Variants in LRRC49 observed in about 807,000 individuals in gnomAD.
LRRC49 encodes leucine rich repeat containing 49.
A neutral mutation model predicts 83.3 loss-of-function variants in LRRC49; 50 were observed. The ratio of observed to expected loss-of-function variants is 0.60; its 90% CI spans 0.48 to 0.76. The LOEUF is 0.76. LRRC49 is among the 30% of genes least tolerant of loss of function. The pLI, the probability that LRRC49 is intolerant of heterozygous loss-of-function variation, is 0.00. For synonymous variants in LRRC49, 286 were observed against 283.3 expected, an observed-to-expected ratio of 1.01 and a Z score of -0.10; for missense variants, 704 against 809.1, an observed-to-expected ratio of 0.87 and a Z score of 1.58.
chr15:70,859,402 G>A, intron 1 of LRRC49: 2 of 754,504 alleles, frequency 2.7e-6, no homozygotes, highest in South Asian at 1.4e-5. Context: ...TGTTTGAAGA[G>A]GAGATCTGGG....
intron 1 of LRRC49, among the ~76,000 whole-genome samples, chr15:70,855,019 A>C (rs2032617018): frequency 6.6e-6 from 1 of 152,156 alleles, no homozygotes; most frequent in African/African-American, 2.4e-5. Flanking sequence ...TGACCCAGAA[A>C]CTAGGGACAG....
At chr15:70,872,955 C>T (rs557415716) in exon 2 of LRRC49, 252 of 449,390 alleles carry the variant, frequency 5.6e-4, no homozygotes, top group Non-Finnish European at 8.6e-4. Context: ...GGTGCGATCT[C>T]GCTCACTGCA....
chr15:70,935,290 C>T (rs2035556729), intron 7 of LRRC49, among the ~76,000 whole-genome samples: 1 of 152,094 alleles, frequency 6.6e-6, no homozygotes. Flanking sequence ...ATTGATTTTA[C>T]ACTGTTTAGG....
intron 14 of LRRC49, among the ~76,000 whole-genome samples, chr15:71,029,255 A>G (rs769902357): frequency 4.0e-5 from 6 of 151,524 alleles, no homozygotes; most frequent in African/African-American, 7.3e-5. Context: ...GTTGTGTACT[A>G]TTTTCCCAGT....
intron 2 of LRRC49, among the ~76,000 whole-genome samples, chr15:70,879,777 A>C (rs1223717230): frequency 6.6e-6 from 1 of 152,188 alleles, no homozygotes; most frequent in Non-Finnish European, 1.5e-5. Flanking sequence ...CCACAGAGGA[A>C]TATTTTTGAC....
intron 6 of LRRC49, among the ~76,000 whole-genome samples, chr15:70,915,358 G>A (rs2034725258): frequency 6.6e-6 from 1 of 152,184 alleles, no homozygotes; most frequent in Non-Finnish European, 1.5e-5. Flanking sequence ...ATGTGGAAGG[G>A]TAGTTTTCTA....
At chr15:70,860,170 C>G in intron 1 of LRRC49, 1 of 673,818 alleles carries the variant, frequency 1.5e-6, no homozygotes, top group South Asian at 1.7e-5. Flanking sequence ...TGAACAGACG[C>G]GGCAGCCCCT....
At chr15:70,960,872 C>G (rs553718611) in intron 8 of LRRC49, among the ~76,000 whole-genome samples, 16 of 152,138 alleles carry the variant, frequency 1.1e-4, no homozygotes, top group Non-Finnish European at 2.4e-4. Context: ...TTGGATTTGG[C>G]AATTAGTTTT....
intron 8 of LRRC49, among the ~76,000 whole-genome samples, chr15:70,949,990 GTGT>G (rs2036159202): frequency 6.6e-6 from 1 of 152,130 alleles, no homozygotes; most frequent in Admixed American, 6.5e-5. Context: ...GTGGTCCCCA[GTGT>G]CTTTGTTCCC....
intron 9 of LRRC49, 55 bp from the exon 10 acceptor site, chr15:70,980,046 T>C: frequency 9.2e-7 from 1 of 1,086,632 alleles, no homozygotes; most frequent in Non-Finnish European, 1.4e-6. Flanking sequence ...CAATGATATT[T>C]AGCATTAAAA....
At chr15:70,958,580 T>C (rs1405665946) in intron 8 of LRRC49, among the ~76,000 whole-genome samples, 1 of 152,200 alleles carries the variant, frequency 6.6e-6, no homozygotes, top group Admixed American at 6.5e-5. Context: ...TGTTCTGAGA[T>C]TTTTATACTG....
rs976154586 is a variant in LRRC49, at chr15:71,050,156, T to A, written c.*544T>A. On this transcript the variant is annotated 3_prime_UTR_variant, in exon 16 of 16. Coordinates refer to ENST00000260382, the MANE Select transcript of LRRC49 (RefSeq NM_017691.5). ...CTCTTTAGTTAGGTACGGTTCCTGC[T>A]ATTCACCTATATGGAGGATGCCCCA... 1 of 152,842 alleles carries A rather than the reference T, an allele frequency of 6.5e-6. No homozygotes were observed. Among genetic ancestry groups the A allele is most frequent in the African/African-American group, 2.4e-5 (1 of 41,472 alleles). The allele number at this position is 152,842 out of a possible 1,614,324, so 9.5% of individuals were successfully genotyped here.
chr15:70,968,464 G>A (rs907949973), intron 9 of LRRC49, among the ~76,000 whole-genome samples: 1 of 152,132 alleles, frequency 6.6e-6, no homozygotes, highest in East Asian at 1.9e-4. Context: ...TGTCTTTATA[G>A]TAGAATAACT....
chr15:70,876,075 C>T (rs1304721080), intron 2 of LRRC49, among the ~76,000 whole-genome samples: 1 of 152,136 alleles, frequency 6.6e-6, no homozygotes, highest in African/African-American at 2.4e-5. Context: ...TTTTCGATCA[C>T]TTTTGCCAGG....
chr15:71,016,929 G>C (rs1311029794), intron 14 of LRRC49, among the ~76,000 whole-genome samples: 1 of 151,816 alleles, frequency 6.6e-6, no homozygotes, highest in Non-Finnish European at 1.5e-5. Context: ...AACATGGCAA[G>C]ACTCCATCTC....
chr15:70,908,140 C>T (rs527415983), intron 5 of LRRC49: 112 of 397,246 alleles, frequency 2.8e-4, no homozygotes, highest in African/African-American at 1.4e-3. Flanking sequence ...TTCACCTGGG[C>T]GATCCGAATC....
intron 14 of LRRC49, among the ~76,000 whole-genome samples, chr15:71,036,942 T>A (rs2039538129): frequency 6.6e-6 from 1 of 152,194 alleles, no homozygotes; most frequent in South Asian, 2.1e-4. Context: ...ATTTTAGAAA[T>A]GTTTGAGACG....
rs557219092 is a variant in LRRC49, at chr15:70,990,873, C to T, written c.1169+6616C>T. Among the ~76,000 whole-genome samples, 21 of 152,340 alleles carry T rather than the reference C, an allele frequency of 1.4e-4. No homozygotes were observed. The South Asian group carries it at 2.3e-3, about 17-fold the overall frequency. On this transcript the variant is annotated intron_variant, in intron 11 of 15. Coordinates refer to ENST00000260382, the MANE Select transcript of LRRC49 (RefSeq NM_017691.5). Reference sequence around the variant, plus strand: ...TCTCTGATCCCGCCCTAGCTAACTTCAGCAAACCCACAGAGGTCTGAAGTT... The same window carrying T: ...TCTCTGATCCCGCCCTAGCTAACTTTAGCAAACCCACAGAGGTCTGAAGTT...
At chr15:70,923,581 A>G (rs2035085139) in intron 7 of LRRC49, among the ~76,000 whole-genome samples, 1 of 151,884 alleles carries the variant, frequency 6.6e-6, no homozygotes, top group Non-Finnish European at 1.5e-5. Flanking sequence ...CTTAATGTTT[A>G]TTTAATGTTA....
Sources: gnomAD v4.1 joint callset for allele counts (sites outside exome capture counted in the v4.1 genomes callset) on GRCh38, gnomAD v4.1.1 for gene constraint, MANE v1.5 for transcripts, NCBI Gene and HGNC (gene_info 2026-07-23, HGNC 2026-07-21) for gene names.